Variants in TMEM114 observed in about 807,000 individuals in gnomAD.
TMEM114 encodes transmembrane protein 114.
A neutral mutation model predicts 6.2 loss-of-function variants in TMEM114; 6 were observed. The observed-to-expected ratio is 0.97, with a 90% confidence interval of 0.53 to 1.91. The LOEUF (loss-of-function observed/expected upper bound fraction) is 1.91, where lower values mean the gene tolerates loss of function less well. Among genes scored for constraint, TMEM114 ranks in the 40% most tolerant of loss-of-function variants. TMEM114 has a pLI of 0.01. For missense variants in TMEM114, 218 were observed against 158.3 expected (o/e 1.38, Z -2.02); for synonymous variants, 104 against 73.0 (o/e 1.42, Z -2.16).
At chr16:8,567,883 C>G (rs1043940727), downstream of TMEM114, among the ~76,000 whole-genome samples, 1 of 152,156 alleles carries the variant, frequency 6.6e-6, no homozygotes, top group Non-Finnish European at 1.5e-5. Flanking sequence ...TTTGTTTTCC[C>G]CAGCATTGTA....
chr16:8,532,011 C>A, the TMEM114 span: 9 of 152,154 alleles, frequency 5.9e-5, no homozygotes, highest in African/African-American at 2.2e-4. Flanking sequence ...CACTGAAAAT[C>A]TGTTGGAAGA....
In TMEM114 at chr16:8,548,694, G is replaced by GTATATATATATA. The variant is rs141212101; in HGVS notation, n.213-10869_213-10868insTATATATATATA. 6.2e-4 allele frequency among the ~76,000 whole-genome samples: 87 copies of GTATATATATATA among 140,000 alleles called. 2 individuals are homozygous for GTATATATATATA. Among genetic ancestry groups the GTATATATATATA allele is most frequent in the African/African-American group, 2.1e-3 (73 of 35,314 alleles). 91.8% of individuals were successfully genotyped at this position (140,000 alleles called of 152,430 possible). A position where few individuals can be genotyped will look rare whatever the true frequency, so the allele number is the denominator to read the frequency against. ...AGAGAAGTGAGCTAAAAATTGCCAT[G>GTATATATATATA]TATATATATACACAGAAAAAAAATA... is the stretch of plus-strand genomic sequence containing the variant. On this transcript the variant is annotated intron_variant and non_coding_transcript_variant, in intron 2 of 2. Coordinates refer to the TMEM114 transcript ENST00000623677.
intron 2 of TMEM114, among the ~76,000 whole-genome samples, chr16:8,583,631 C>G (rs1015833890): frequency 1.3e-5 from 2 of 151,954 alleles, no homozygotes; most frequent in Admixed American, 6.6e-5. Flanking sequence ...ATCTGTGGTC[C>G]CAGCTACTTG....
At chr16:8,529,618 A>G in the TMEM114 span, among the ~76,000 whole-genome samples, 1 of 152,104 alleles carries the variant, frequency 6.6e-6, no homozygotes, top group Non-Finnish European at 1.5e-5. Flanking sequence ...AGGAACCTAC[A>G]TTGATAATTA....
chr16:8,526,771 C>A, the TMEM114 span: 1 of 152,156 alleles, frequency 6.6e-6, no homozygotes, highest in Admixed American at 6.5e-5. Context: ...GATGGATACA[C>A]CCTCCAATCT....
intron 2 of TMEM114, among the ~76,000 whole-genome samples, chr16:8,558,454 C>G (rs1404472556): frequency 6.6e-6 from 1 of 152,030 alleles, no homozygotes; most frequent in Non-Finnish European, 1.5e-5. Flanking sequence ...CTCACATGGT[C>G]TTCTTAGAAA....
the TMEM114 span, among the ~76,000 whole-genome samples, chr16:8,527,936 C>G: frequency 6.6e-6 from 1 of 152,154 alleles, no homozygotes; most frequent in East Asian, 1.9e-4. Flanking sequence ...TAGACAAAGT[C>G]TCCCTGTGCT....
At chr16:8,542,788 C>T (rs1243773455) in intron 2 of TMEM114, among the ~76,000 whole-genome samples, 4 of 152,126 alleles carry the variant, frequency 2.6e-5, no homozygotes, top group East Asian at 1.9e-4. Flanking sequence ...ACCAGAATCT[C>T]CTCAGTCTCA....
intron 2 of TMEM114, among the ~76,000 whole-genome samples, chr16:8,558,427 C>A (rs1200696803): frequency 6.6e-6 from 1 of 151,986 alleles, no homozygotes; most frequent in Non-Finnish European, 1.5e-5. Context: ...GGCCTTCTCT[C>A]TGTGTATCTC....
chr16:8,556,043 C>T (rs1192612626), intron 2 of TMEM114, among the ~76,000 whole-genome samples: 1 of 152,242 alleles, frequency 6.6e-6, no homozygotes, highest in Non-Finnish European at 1.5e-5. Flanking sequence ...TGCCTCCTGG[C>T]ATTTTCCAGC....
intron 2 of TMEM114, among the ~76,000 whole-genome samples, chr16:8,579,492 G>T (rs1366830780): frequency 2.0e-5 from 3 of 152,046 alleles, no homozygotes; most frequent in Non-Finnish European, 4.4e-5. Flanking sequence ...GTCTGTCCTG[G>T]AGGATGGGGG....
At chr16:8,549,371 G>C (rs893828455) in intron 2 of TMEM114, among the ~76,000 whole-genome samples, 1 of 151,562 alleles carries the variant, frequency 6.6e-6, no homozygotes, top group Non-Finnish European at 1.5e-5. Context: ...GTGGTGGTGG[G>C]CACCTGTAGT....
At chr16:8,536,293 AT>A (rs1391661989), downstream of TMEM114, among the ~76,000 whole-genome samples, 3 of 151,828 alleles carry the variant, frequency 2.0e-5, no homozygotes, top group East Asian at 3.9e-4. Context: ...CTAACAACCC[AT>A]TTTATTATTT....
At chr16:8,537,246 A>C (rs1323132683), downstream of TMEM114, among the ~76,000 whole-genome samples, 1 of 152,142 alleles carries the variant, frequency 6.6e-6, no homozygotes, top group Non-Finnish European at 1.5e-5. Context: ...CACACCTGTA[A>C]TCCCAGCACT....
chr16:8,546,915 G>C (rs1386437492), intron 2 of TMEM114, among the ~76,000 whole-genome samples: 1 of 152,168 alleles, frequency 6.6e-6, no homozygotes, highest in Non-Finnish European at 1.5e-5. Context: ...GTTCTTATTT[G>C]GTTGGGCTGC....
At chr16:8,529,843 C>T in the TMEM114 span, among the ~76,000 whole-genome samples, 1 of 152,072 alleles carries the variant, frequency 6.6e-6, no homozygotes, top group Non-Finnish European at 1.5e-5. Context: ...CTAGGTGATT[C>T]TGAGGTGCAG....
intron 2 of TMEM114, among the ~76,000 whole-genome samples, chr16:8,561,900 A>C (rs1330505928): frequency 8.9e-6 from 1 of 112,686 alleles, no homozygotes; most frequent in East Asian, 2.8e-4. Context: ...GAATGAGTAA[A>C]TGAGTGAATG....
intron 2 of TMEM114, among the ~76,000 whole-genome samples, chr16:8,543,541 C>G (rs1380854403): frequency 6.6e-6 from 1 of 151,984 alleles, no homozygotes; most frequent in Non-Finnish European, 1.5e-5. Flanking sequence ...TCTACTAGGA[C>G]ACCCCTCCCA....
chr16:8,554,192 G>A (rs1900934579), intron 2 of TMEM114, among the ~76,000 whole-genome samples: 1 of 151,906 alleles, frequency 6.6e-6, no homozygotes, highest in Admixed American at 6.6e-5. Flanking sequence ...AAGGGCTTCT[G>A]TTCTTTAATT....
Sources: allele counts gnomAD v4.1 joint callset (sites outside exome capture counted in the v4.1 genomes callset), GRCh38; gene constraint gnomAD v4.1.1; transcripts MANE v1.5; gene names NCBI Gene and HGNC (gene_info 2026-07-23, HGNC 2026-07-21).